MAPKAPK5: variants seen among roughly 807,000 people sequenced by gnomAD.
The protein encoded by MAPKAPK5 is MAP kinase-activated protein kinase 5.
In MAPKAPK5, 30 loss-of-function variants were observed where a neutral mutation model predicts 65.1. The ratio of observed to expected loss-of-function variants is 0.46; its 90% CI spans 0.34 to 0.63. MAPKAPK5 has a LOEUF of 0.63. Ranked by LOEUF, MAPKAPK5 falls within the 20% of genes least tolerant of loss-of-function variation. The probability of loss-of-function intolerance (pLI) is 0.01; values close to 1 mark genes in which losing one functional copy is unlikely to be tolerated. For synonymous variants in MAPKAPK5, 179 were observed against 204.6 expected (o/e 0.87, Z 1.07); for missense variants, 433 against 581.4 (o/e 0.74, Z 2.63).
At chr12:111,882,445 C>G (rs2070267173) in intron 8 of MAPKAPK5, among the ~76,000 whole-genome samples, 1 of 152,172 alleles carries the variant, frequency 6.6e-6, no homozygotes, top group South Asian at 2.1e-4. Context: ...CAGAGCACCG[C>G]ACAGCTGTGG....
chr12:111,900,025 C>T lies in MAPKAPK5; in HGVS notation c.*6964C>T, dbSNP rs775666660. The T allele has an allele frequency of 6.6e-6, 3 of 456,028 alleles. No homozygotes were observed. The highest frequency in any genetic ancestry group is 2.3e-5 in the Admixed American group (1 of 42,560). The allele number at this position is 456,028 out of a possible 1,614,324, so 28.2% of individuals were successfully genotyped here. ...ATGTGGGGCAGTAACGTCAATGAGA[C>T]GGTCCAGACAGTAGTGGATGTCATT... On this transcript the variant is annotated 3_prime_UTR_variant, in exon 14 of 14. Transcript: ENST00000550735.
Position 111,886,049 on chromosome 12 carries a change from G to GT in MAPKAPK5, c.969+16dup. The GT allele has an allele frequency of 6.2e-7, 1 of 1,613,864 alleles. No individual in the cohort carries two copies. Among genetic ancestry groups the GT allele is most frequent in the Non-Finnish European group, 8.5e-7 (1 of 1,179,844 alleles). On this transcript the variant is annotated intron_variant, in intron 10 of 13. Coordinates refer to ENST00000550735, the MANE Select transcript of MAPKAPK5 (RefSeq NM_003668.4). ...GATGATGGACAAGGTTTTGAATGAT[G>GT]TTTACTTTGTTGGCTGAAAAGACTG...
intron 4 of MAPKAPK5, among the ~76,000 whole-genome samples, 198 bp from the exon 5 acceptor site, chr12:111,868,555 C>T (rs2069680843): frequency 2.0e-5 from 3 of 151,874 alleles, no homozygotes; most frequent in Non-Finnish European, 2.9e-5. Context: ...AGAATGGTAG[C>T]CAAAAATCAC....
At position 111,865,273 on chromosome 12, in the gene MAPKAPK5, C is replaced by T; in HGVS notation, c.60C>T (p.Tyr20=). 1 of 1,587,340 alleles carries T rather than the reference C, an allele frequency of 6.3e-7. No homozygotes were observed. The highest frequency in any genetic ancestry group is 1.1e-5 in the South Asian group (1 of 86,958). ...AIKETSILEE[Y]SINWTQKLGA... is the part of the protein sequence containing the mutation. Reference sequence around the variant, plus strand: ...AGGAAACTTCCATTTTAGAAGAATACAGTATCAATTGGACTCAGAAGCTGG... The same window carrying T: ...AGGAAACTTCCATTTTAGAAGAATATAGTATCAATTGGACTCAGAAGCTGG... Residue 20 remains tyrosine (Y), a synonymous_variant, in exon 2 of 14, where the codon TAC becomes TAT. Coordinates refer to ENST00000550735, the MANE Select transcript of MAPKAPK5 (RefSeq NM_003668.4).
At chr12:111,847,147 G>C (rs1426569573) in intron 1 of MAPKAPK5, among the ~76,000 whole-genome samples, 2 of 151,746 alleles carry the variant, frequency 1.3e-5, no homozygotes, top group Non-Finnish European at 2.9e-5. Context: ...TTTGAGACCA[G>C]CCTGGCCAAC....
intron 1 of MAPKAPK5, among the ~76,000 whole-genome samples, chr12:111,850,962 G>T (rs982600655): frequency 6.7e-6 from 1 of 149,648 alleles, no homozygotes; most frequent in South Asian, 2.1e-4. Context: ...GCAGTGGCAC[G>T]ATCGCGGCTC....
intron 1 of MAPKAPK5, among the ~76,000 whole-genome samples, chr12:111,844,834 A>C (rs1396097859): frequency 6.6e-6 from 1 of 152,192 alleles, no homozygotes; most frequent in Non-Finnish European, 1.5e-5. Flanking sequence ...GGCAGTGGGA[A>C]TAGCAAGGAC....
intron 7 of MAPKAPK5, among the ~76,000 whole-genome samples, chr12:111,876,654 G>C (rs935495568): frequency 6.6e-6 from 1 of 152,062 alleles, no homozygotes; most frequent in African/African-American, 2.4e-5. Flanking sequence ...TCCTCTACTT[G>C]TTTTCTGAGA....
chr12:111,901,288 G>A lies in MAPKAPK5; in HGVS notation c.*8227G>A, dbSNP rs1222621889. On this transcript the variant is annotated 3_prime_UTR_variant, in exon 14 of 14. Transcript: ENST00000550735. ...AAAACGTGTAATGGGAAGGGAGTTTGTAATGATTTAGGGCACTGCCACTGT... is the reference window on the plus strand; with the variant it reads ...AAAACGTGTAATGGGAAGGGAGTTTATAATGATTTAGGGCACTGCCACTGT... The A allele has an allele frequency of 2.2e-6, 1 of 455,710 alleles. No homozygotes were observed. The highest frequency in any genetic ancestry group is 2.3e-5 in the Admixed American group (1 of 42,568). The allele number at this position is 455,710 out of a possible 1,614,324, so 28.2% of individuals were successfully genotyped here.
chr12:111,900,742 C>G lies in MAPKAPK5; in HGVS notation c.*7681C>G. On this transcript the variant is annotated 3_prime_UTR_variant, in exon 14 of 14. Coordinates refer to ENST00000550735, the MANE Select transcript of MAPKAPK5 (RefSeq NM_003668.4). ...CGTAAGGGATATCCTTGCTGTCCTT[C>G]TAGTCGTTCCTGTGATCTCCCAGAA... 2.2e-6 allele frequency: 1 copy of G among 456,104 alleles called. No homozygotes were observed. The highest frequency in any genetic ancestry group is 1.5e-5 in the South Asian group (1 of 64,558). 28.3% of individuals were successfully genotyped at this position (456,104 alleles called of 1,614,324 possible). A position where few individuals can be genotyped will look rare whatever the true frequency, so the allele number is the denominator to read the frequency against.
chr12:111,891,775 C>G (rs1285374695), intron 13 of MAPKAPK5, among the ~76,000 whole-genome samples: 1 of 151,132 alleles, frequency 6.6e-6, no homozygotes, highest in Non-Finnish European at 1.5e-5. Flanking sequence ...CCACTGCACT[C>G]CAGCCTGGGC....
At chr12:111,886,940 A>G (rs2070424726) in intron 10 of MAPKAPK5, among the ~76,000 whole-genome samples, 1 of 152,238 alleles carries the variant, frequency 6.6e-6, no homozygotes, top group Non-Finnish European at 1.5e-5. Flanking sequence ...AAAAATTTCT[A>G]CAGTTTTTCG....
chr12:111,843,317 A>G (rs2068791408), intron 1 of MAPKAPK5: 1 of 398,476 alleles, frequency 2.5e-6, no homozygotes, highest in Non-Finnish European at 4.4e-6. Context: ...GGAAGCATTG[A>G]GTTTACTTAG....
chr12:111,847,247 C>T (rs2068933371), intron 1 of MAPKAPK5, among the ~76,000 whole-genome samples: 1 of 151,024 alleles, frequency 6.6e-6, no homozygotes, highest in African/African-American at 2.4e-5. Context: ...ACTCGGGAGG[C>T]TGAGGCAGGA....
Position 111,867,666 on chromosome 12 carries a change from C to T in MAPKAPK5, c.281C>T (p.Pro94Leu), listed in dbSNP as rs781758975. ...GTCCAGTTTCCCCATGAGTCCAGCC[C>T]TAGGTAAGACTACACAGTGTCATCA... Reference protein sequence around the residue: ...NSVQFPHESSPRARLLIVMEM... With the variant: ...NSVQFPHESSLRARLLIVMEM... Residue 94 changes from proline (P) to leucine (L), a missense_variant, in exon 4 of 14, where the codon CCT (proline) becomes CTT (leucine). Pro to Leu is a moderately conservative substitution (Grantham distance 98). Transcript: ENST00000550735. The T allele has an allele frequency of 6.2e-7, 1 of 1,609,942 alleles. No homozygotes were observed. The highest frequency in any genetic ancestry group is 8.5e-7 in the Non-Finnish European group (1 of 1,176,376).
chr12:111,900,596 C>A lies in MAPKAPK5; in HGVS notation c.*7535C>A. ...CCTGTGGAAATGGTGTGGTGGAGGA[C>A]ACGGAGCAGTGTGACTGTGGTTCTC... On this transcript the variant is annotated 3_prime_UTR_variant, in exon 14 of 14. Transcript: ENST00000550735. 1 of 456,130 alleles carries A rather than the reference C, an allele frequency of 2.2e-6. No homozygotes were observed. Among genetic ancestry groups the A allele is most frequent in the South Asian group, 1.5e-5 (1 of 64,560 alleles). The allele number at this position is 456,130 out of a possible 1,614,324, so 28.3% of individuals were successfully genotyped here.
At chr12:111,865,001 A>T (rs1268291325) in intron 1 of MAPKAPK5, among the ~76,000 whole-genome samples, 1 of 152,254 alleles carries the variant, frequency 6.6e-6, no homozygotes, top group East Asian at 1.9e-4. Context: ...TGTACCTTAT[A>T]GATGAGCTGA....
rs1024847562 is a variant in MAPKAPK5, at chr12:111,899,715, G to C, written c.*6654G>C. 1 of 323,586 alleles carries C rather than the reference G, an allele frequency of 3.1e-6. No homozygotes were observed. Among genetic ancestry groups the C allele is most frequent in the Non-Finnish European group, 6.2e-6 (1 of 160,998 alleles). The allele number at this position is 323,586 out of a possible 1,614,324, so 20.0% of individuals were successfully genotyped here. ...TGACTGCCACTATGAAGGCTACATA[G>C]AAGGAGTGTCAGGTTCTTTTGTTTC... On this transcript the variant is annotated 3_prime_UTR_variant, in exon 14 of 14. Transcript: ENST00000550735.
intron 4 of MAPKAPK5, among the ~76,000 whole-genome samples, chr12:111,868,345 T>C (rs1412053313): frequency 2.0e-5 from 3 of 152,180 alleles, no homozygotes; most frequent in Non-Finnish European, 4.4e-5. Context: ...CTGCTAACTA[T>C]AGTCTGGGAG....
Sources: allele counts gnomAD v4.1 joint callset (sites outside exome capture counted in the v4.1 genomes callset), GRCh38; gene constraint gnomAD v4.1.1; transcripts MANE v1.5; gene names NCBI Gene and HGNC (gene_info 2026-07-23, HGNC 2026-07-21).